Variants in USP28 observed in about 807,000 individuals in gnomAD.
The protein encoded by USP28 is ubiquitin carboxyl-terminal hydrolase 28.
In USP28, 113 loss-of-function variants were observed where a neutral mutation model predicts 145.0. The observed-to-expected ratio is 0.78, with a 90% CI of 0.67 to 0.91. The LOEUF is 0.91. Ranked by LOEUF, USP28 falls within the 40% of genes least tolerant of loss-of-function variation. The pLI, the probability that USP28 is intolerant of heterozygous loss-of-function variation, is 0.00. For synonymous variants in USP28, 447 were observed against 450.9 expected, an observed-to-expected ratio of 0.99 and a Z score of 0.11; for missense variants, 1,201 against 1,289.6, an observed-to-expected ratio of 0.93 and a Z score of 1.05.
intron 1 of USP28, among the ~76,000 whole-genome samples, chr11:113,867,815 G>GAGGGAGGAAGGGAGGGAGGAAGAA (rs1241292163): frequency 7.0e-6 from 1 of 142,738 alleles, no homozygotes; most frequent in South Asian, 2.4e-4. Context: ...GGGAGGGAGG[G>GAGGGAGGAAGGGAGGGAGGAAGAA]AGGGAGGAAG....
chr11:113,802,726 A>G (rs1485580966), intron 23 of USP28, among the ~76,000 whole-genome samples: 1 of 152,184 alleles, frequency 6.6e-6, no homozygotes, highest in Non-Finnish European at 1.5e-5. Flanking sequence ...AAGTCACTAA[A>G]ACTTTAAGTC....
intron 2 of USP28, among the ~76,000 whole-genome samples, 185 bp downstream of exon 2, chr11:113,854,073 A>G (rs1946773822): frequency 6.6e-6 from 1 of 152,146 alleles, no homozygotes; most frequent in Non-Finnish European, 1.5e-5. Context: ...GGGTTACCCG[A>G]ACCACAAATC....
At chr11:113,857,217 G>A (rs1947148157) in intron 1 of USP28, among the ~76,000 whole-genome samples, 1 of 152,066 alleles carries the variant, frequency 6.6e-6, no homozygotes, top group South Asian at 2.1e-4. Flanking sequence ...TGCACTGCTT[G>A]GCATGTGATA....
intron 1 of USP28, among the ~76,000 whole-genome samples, chr11:113,863,967 G>A (rs1306865830): frequency 1.3e-5 from 2 of 150,794 alleles, no homozygotes; most frequent in African/African-American, 4.9e-5. Context: ...TGCTGGTCAC[G>A]GTGGCTCACG....
Position 113,874,980 on chromosome 11 carries a change from T to C in USP28, c.57+465A>G, listed in dbSNP as rs187779880. 4.5e-4 allele frequency: 414 copies of C among 928,790 alleles called. 3 individuals are homozygous for C. The African/African-American group carries it at 7.0e-3, about 16-fold the overall frequency. The allele number at this position is 928,790 out of a possible 1,614,324, so 57.5% of individuals were successfully genotyped here. A position where few individuals can be genotyped will look rare whatever the true frequency, so the allele number is the denominator to read the frequency against. On this transcript the variant is annotated intron_variant, in intron 1 of 24. Transcript: ENST00000003302. ...GTGGTAACTGGGACCCCTGGTCTTA[T>C]AGAAGACGGTGATTAATTCCGGACT...
At chr11:113,807,908 A>G in intron 18 of USP28, 43 bp downstream of exon 19, 2 of 994,330 alleles carry the variant, frequency 2.0e-6, no homozygotes, top group South Asian at 8.9e-5. Context: ...AAGGAAATAT[A>G]AGACTGACAA....
At position 113,823,657 on chromosome 11, in the gene USP28, A is replaced by G. The variant is rs774349363; in HGVS notation, c.1231T>C (p.Cys411Arg). 6 of 1,612,272 alleles carry G rather than the reference A, an allele frequency of 3.7e-6. No individual in the cohort carries two copies. In the South Asian group the frequency reaches 4.4e-5, roughly 12 times the overall value. Residue 411 changes from cysteine (C) to arginine (R), a missense_variant, in exon 12 of 25, where the codon TGT becomes CGT. Physicochemically the swap from Cys to Arg is radical, Grantham distance 180. Transcript: ENST00000003302. ...ATTTCCTCCTTCAACTTTCGAATAC[A>G]CTCTCTCTTATTTCGAATAAGCTCC...
At chr11:113,875,097 C>A (rs753276848) in intron 1 of USP28, among the ~76,000 whole-genome samples, 13 of 152,328 alleles carry the variant, frequency 8.5e-5, no homozygotes, top group East Asian at 3.9e-4. Flanking sequence ...CCAACCAACG[C>A]TGCCGCTTTC....
At chr11:113,804,829 A>G (rs1341840853) in intron 20 of USP28, 39 bp downstream of exon 21, 2 of 1,611,478 alleles carry the variant, frequency 1.2e-6, no homozygotes, top group African/African-American at 2.7e-5. Context: ...ATCTAGCCCA[A>G]CCCAGACCAA....
In USP28 at chr11:113,815,158, T is replaced by TTTGG; in HGVS notation, c.1672+15_1672+16insCCAA. ...GAAAAAGCAAAGAGTAACTGACAAA[T>TTTGG]TTTAAAAGAGCCAACCTTGTATATC... On this transcript the variant is annotated intron_variant, in intron 14 of 24. Transcript: ENST00000003302. The TTTGG allele has an allele frequency of 6.2e-7, 1 of 1,608,460 alleles. No homozygotes were observed. The highest frequency in any genetic ancestry group is 1.1e-5 in the South Asian group (1 of 90,330).
chr11:113,817,556 G>C, intron 13 of USP28, 102 bp downstream of exon 13: 1 of 1,344,580 alleles, frequency 7.4e-7, no homozygotes, highest in Admixed American at 2.2e-5. Context: ...CACAGCTCCT[G>C]TGCTCTTATA....
chr11:113,860,841 G>A (rs941219769), intron 1 of USP28, among the ~76,000 whole-genome samples: 4 of 144,920 alleles, frequency 2.8e-5, no homozygotes, highest in Admixed American at 6.9e-5. Flanking sequence ...AATAAGGGCC[G>A]GGCTTGGTGG....
intron 1 of USP28, among the ~76,000 whole-genome samples, chr11:113,863,168 G>C (rs963542729): frequency 7.9e-5 from 12 of 152,088 alleles, no homozygotes; most frequent in Non-Finnish European, 1.8e-4. Context: ...AGTTACCAGA[G>C]CTGGTAAACA....
Position 113,821,061 on chromosome 11 carries a change from G to C in USP28, c.1283+2544C>G, listed in dbSNP as rs189473669. ...GCCTTCCAGTTGGGGAGGAGAAGGG[G>C]GATATGGGAGTTGTCACTGGTGAGG... On this transcript the variant is annotated intron_variant, in intron 12 of 24. Transcript: ENST00000003302. 4.7e-5 allele frequency: 11 copies of C among 235,842 alleles called. No homozygotes were observed. The East Asian group carries it at 1.2e-3, about 26-fold the overall frequency. The allele number at this position is 235,842 out of a possible 1,614,324, so 14.6% of individuals were successfully genotyped here.
At chr11:113,832,715 G>GA (rs1361425633) in intron 7 of USP28, among the ~76,000 whole-genome samples, 4 of 151,848 alleles carry the variant, frequency 2.6e-5, no homozygotes, top group South Asian at 2.1e-4. Context: ...AATAGAGAAA[G>GA]AAAAAAAATC....
intron 5 of USP28, chr11:113,835,449 G>A (rs1944458361): frequency 2.4e-6 from 1 of 423,540 alleles, no homozygotes; most frequent in African/African-American, 2.0e-5. Flanking sequence ...GTACTGACTA[G>A]AGCCCACGTG....
chr11:113,838,930 T>C (rs1358485850), intron 5 of USP28, among the ~76,000 whole-genome samples: 2 of 152,200 alleles, frequency 1.3e-5, no homozygotes, highest in Non-Finnish European at 1.5e-5. Flanking sequence ...CCATGTACCA[T>C]GATGGAGAAG....
At chr11:113,849,752 A>G (rs1481066101) in intron 3 of USP28, among the ~76,000 whole-genome samples, 6 of 152,152 alleles carry the variant, frequency 3.9e-5, no homozygotes, top group African/African-American at 1.4e-4. Context: ...TCTGCCAGGA[A>G]GAGAAAGATA....
exon 16 of USP28, chr11:113,812,329 A>T (rs373679613): frequency 4.3e-6 from 7 of 1,614,136 alleles, no homozygotes; most frequent in Non-Finnish European, 5.9e-6. Flanking sequence ...GTAAGCACTA[A>T]CATTTCTCAG....
Sources: allele counts gnomAD v4.1 joint callset (sites outside exome capture counted in the v4.1 genomes callset), GRCh38; gene constraint gnomAD v4.1.1; transcripts MANE v1.5; gene names NCBI Gene and HGNC (gene_info 2026-07-23, HGNC 2026-07-21).